RAP1GDS1: variants seen among roughly 807,000 people sequenced by gnomAD.
The protein encoded by RAP1GDS1 is Rap1 GTPase-GDP dissociation stimulator 1.
RAP1GDS1 carries 35 observed loss-of-function variants against 71.1 expected under a neutral mutation model. That is an observed-to-expected ratio of 0.49 (90% confidence interval 0.38 to 0.65). The LOEUF (loss-of-function observed/expected upper bound fraction) is 0.65, where lower values mean the gene tolerates loss of function less well. RAP1GDS1 is among the 30% of genes least tolerant of loss of function. The probability of loss-of-function intolerance (pLI) is 0.00; values close to 1 mark genes in which losing one functional copy is unlikely to be tolerated. For missense variants in RAP1GDS1, 663 were observed against 706.1 expected, an observed-to-expected ratio of 0.94 and a Z score of 0.69; for synonymous variants, 229 against 243.1, an observed-to-expected ratio of 0.94 and a Z score of 0.54.
intron 1 of RAP1GDS1, among the ~76,000 whole-genome samples, chr4:98,290,177 G>T (rs1726723582): frequency 6.6e-6 from 1 of 152,076 alleles, no homozygotes; most frequent in African/African-American, 2.4e-5. Flanking sequence ...TAAAGTGATA[G>T]AATTGATTAA....
At chr4:98,347,739 A>T (rs1736510193) in intron 3 of RAP1GDS1, among the ~76,000 whole-genome samples, 1 of 152,000 alleles carries the variant, frequency 6.6e-6, no homozygotes. Flanking sequence ...CTAGAGAGAG[A>T]ATCTGATTTT....
chr4:98,283,287 T>C (rs1254545750), intron 1 of RAP1GDS1, among the ~76,000 whole-genome samples: 4 of 152,080 alleles, frequency 2.6e-5, no homozygotes, highest in Non-Finnish European at 5.9e-5. Context: ...AAAGAAAAAA[T>C]AGTATGAGCT....
In RAP1GDS1 at chr4:98,401,329, C is replaced by G. The variant is rs532202169; in HGVS notation, c.638-3148C>G. Among the ~76,000 whole-genome samples, 6 of 152,180 alleles carry G rather than the reference C, an allele frequency of 3.9e-5. No homozygotes were observed. The East Asian group carries it at 9.6e-4, about 24-fold the overall frequency. ...CCAGGAAAAATGAATTAGTGTATTA[C>G]TGAAACACAACTAGTGATATAAACA... On this transcript the variant is annotated intron_variant, in intron 6 of 14. Coordinates refer to ENST00000408927, the MANE Select transcript of RAP1GDS1 (RefSeq NM_001100427.2).
chr4:98,345,249 A>C (rs1000251872), intron 3 of RAP1GDS1, among the ~76,000 whole-genome samples: 3 of 152,230 alleles, frequency 2.0e-5, no homozygotes, highest in African/African-American at 7.2e-5. Flanking sequence ...AGATTGTATG[A>C]ACCAGAGAAT....
chr4:98,373,344 C>T (rs565576284), intron 4 of RAP1GDS1, among the ~76,000 whole-genome samples: 57 of 151,898 alleles, frequency 3.8e-4, no homozygotes, highest in African/African-American at 1.2e-3. Flanking sequence ...TTCCCCCTTC[C>T]GGCTGCCTTT....
At chr4:98,285,719 T>A (rs566217949) in intron 1 of RAP1GDS1, among the ~76,000 whole-genome samples, 14 of 150,748 alleles carry the variant, frequency 9.3e-5, no homozygotes, top group South Asian at 4.2e-4. Flanking sequence ...TGTCATAAAA[T>A]TATCAAGGGA....
chr4:98,441,952 C>T, intron 14 of RAP1GDS1, 38 bp from the exon 15 acceptor site: 1 of 1,606,584 alleles, frequency 6.2e-7, no homozygotes, highest in Non-Finnish European at 8.5e-7. Context: ...CTTAGAACAA[C>T]CTAACAGAAT....
intron 2 of RAP1GDS1, among the ~76,000 whole-genome samples, chr4:98,319,147 T>C (rs1203649419): frequency 1.3e-5 from 2 of 152,170 alleles, no homozygotes; most frequent in Non-Finnish European, 2.9e-5. Flanking sequence ...TTTACTAAAC[T>C]ATAAACTCTT....
chr4:98,302,751 CAA>C (rs1728747894), intron 2 of RAP1GDS1, among the ~76,000 whole-genome samples: 1 of 151,980 alleles, frequency 6.6e-6, no homozygotes, highest in South Asian at 2.1e-4. Context: ...ATATTATTTA[CAA>C]AGGAAAGAAA....
At chr4:98,383,325 C>T (rs1742278860) in intron 5 of RAP1GDS1, among the ~76,000 whole-genome samples, 2 of 151,336 alleles carry the variant, frequency 1.3e-5, no homozygotes, top group African/African-American at 2.4e-5. Flanking sequence ...TGAAAGATGC[C>T]ATCAGGAAAG....
At chr4:98,396,615 A>G (rs984198152) in intron 6 of RAP1GDS1, 3 of 152,208 alleles carry the variant, frequency 2.0e-5, no homozygotes, top group African/African-American at 7.2e-5. Context: ...GGAAGAAAGG[A>G]TAAGAGAAAA....
At chr4:98,385,014 G>C (rs1349194938) in intron 5 of RAP1GDS1, among the ~76,000 whole-genome samples, 1 of 151,338 alleles carries the variant, frequency 6.6e-6, no homozygotes, top group Non-Finnish European at 1.5e-5. Context: ...ATTTTTATTT[G>C]CTTTATGTCT....
rs780172335 is a variant in RAP1GDS1 at position 98,261,577 on chromosome 4, ATCCT to A, written c.4+13_4+16del. The A allele has an allele frequency of 6.2e-7, 1 of 1,600,040 alleles. No homozygotes were observed. Among genetic ancestry groups the A allele is most frequent in the East Asian group, 2.3e-5 (1 of 44,074 alleles). On this transcript the variant is annotated intron_variant, in intron 1 of 14. Coordinates refer to ENST00000408927, the MANE Select transcript of RAP1GDS1 (RefSeq NM_001100427.2). ...CCTCGGGGAGCAACATGGGTAAGTC[ATCCT>A]TCCTCCGCCGTCATCGCCTGACATT...
At chr4:98,433,137 G>A (rs1366958427) in intron 12 of RAP1GDS1, among the ~76,000 whole-genome samples, 2 of 152,040 alleles carry the variant, frequency 1.3e-5, no homozygotes, top group Non-Finnish European at 2.9e-5. Context: ...GAGGGCAGAT[G>A]GAGAATTTTA....
At chr4:98,423,309 G>A (rs1160540537) in intron 12 of RAP1GDS1, among the ~76,000 whole-genome samples, 1 of 152,176 alleles carries the variant, frequency 6.6e-6, no homozygotes, top group Non-Finnish European at 1.5e-5. Context: ...GCACAGAGAT[G>A]TAAAACAGCA....
At position 98,352,352 on chromosome 4, in the gene RAP1GDS1, C is replaced by A. The variant is rs1033106084; in HGVS notation, c.236-124C>A. The A allele has an allele frequency of 9.0e-6, 9 of 996,540 alleles. No individual in the cohort carries two copies. In the Admixed American group the frequency reaches 2.3e-4, roughly 25 times the overall value. The allele number at this position is 996,540 out of a possible 1,614,324, so 61.7% of individuals were successfully genotyped here. ...AGAAATGTACTCTTCAAATATTCAG[C>A]CACCTTTTCAAGGTGGCTTTTAAAT... On this transcript the variant is annotated intron_variant, in intron 3 of 14. Coordinates refer to ENST00000408927, the MANE Select transcript of RAP1GDS1 (RefSeq NM_001100427.2).
chr4:98,353,075 C>T (rs1347668075), intron 4 of RAP1GDS1, among the ~76,000 whole-genome samples: 3 of 152,174 alleles, frequency 2.0e-5, no homozygotes, highest in Non-Finnish European at 4.4e-5. Context: ...GCATTGACTC[C>T]ATTCCTGTTT....
intron 2 of RAP1GDS1, among the ~76,000 whole-genome samples, chr4:98,342,248 T>C (rs148199435): frequency 2.4e-4 from 37 of 152,300 alleles, no homozygotes; most frequent in African/African-American, 8.7e-4. Flanking sequence ...ATTTTTAGGG[T>C]TCTCTATTAT....
At chr4:98,345,568 A>AAGG (rs1736110563) in intron 3 of RAP1GDS1, among the ~76,000 whole-genome samples, 1 of 147,716 alleles carries the variant, frequency 6.8e-6, no homozygotes, top group African/African-American at 2.6e-5. Context: ...GACAAATAAG[A>AAGG]TATGACATAT....
Sources: gnomAD v4.1 joint callset for allele counts (sites outside exome capture counted in the v4.1 genomes callset) on GRCh38, gnomAD v4.1.1 for gene constraint, MANE v1.5 for transcripts, NCBI Gene and HGNC (gene_info 2026-07-23, HGNC 2026-07-21) for gene names.